Variants in COL5A1 observed in about 807,000 individuals in gnomAD.
COL5A1 encodes collagen alpha-1(V) chain.
Under a neutral mutation model 263.7 loss-of-function variants are expected in COL5A1, and 16 were observed. The ratio of observed to expected loss-of-function variants is 0.06; its 90% CI spans 0.04 to 0.09. The LOEUF is 0.09. Ranked by LOEUF, COL5A1 falls within the 10% of genes least tolerant of loss-of-function variation. The pLI, the probability that COL5A1 is intolerant of heterozygous loss-of-function variation, is 1.00. For missense variants in COL5A1, 2,036 were observed against 2,540.5 expected (o/e 0.80, Z 4.27); for synonymous variants, 1,012 against 1,004.5 (o/e 1.01, Z -0.14).
At chr9:134,773,081 G>A (rs1353601473) in intron 26 of COL5A1, among the ~76,000 whole-genome samples, 4 of 152,224 alleles carry the variant, frequency 2.6e-5, no homozygotes, top group Admixed American at 2.0e-4. Flanking sequence ...GCCCATGACC[G>A]GATCGGGTGC....
rs1564438562 is a variant in COL5A1, at chr9:134,759,710, ACACC to A, written c.1935+1416_1935+1419del. 4.5e-4 allele frequency among the ~76,000 whole-genome samples: 34 copies of A among 76,076 alleles called. 3 individuals are homozygous for A. Among genetic ancestry groups the A allele is most frequent in the African/African-American group, 2.6e-3 (34 of 13,304 alleles). The allele number at this position is 76,076 out of a possible 152,430, so 49.9% of individuals were successfully genotyped here. A position where few individuals can be genotyped will look rare whatever the true frequency, so the allele number is the denominator to read the frequency against. ...CTCATACACATATGCACACATGCAC[ACACC>A]CCCCCACCCCCACACTCATACACAC... On this transcript the variant is annotated intron_variant, in intron 18 of 65. Coordinates refer to ENST00000371817, the MANE Select transcript of COL5A1 (RefSeq NM_000093.5).
At chr9:134,698,665 C>T (rs535925046) in intron 2 of COL5A1, among the ~76,000 whole-genome samples, 136 of 152,342 alleles carry the variant, frequency 8.9e-4, no homozygotes, top group Middle Eastern at 3.4e-3. Flanking sequence ...GAGGTGGTGA[C>T]GCTGCTGCCC....
At chr9:134,651,650 C>G (rs1335853693) in intron 1 of COL5A1, among the ~76,000 whole-genome samples, 1 of 152,210 alleles carries the variant, frequency 6.6e-6, no homozygotes, top group Non-Finnish European at 1.5e-5. Flanking sequence ...TCACTGGGGC[C>G]TGTTGTGGGG....
chr9:134,697,244 G>C (rs984394857), intron 2 of COL5A1, among the ~76,000 whole-genome samples: 4 of 152,262 alleles, frequency 2.6e-5, no homozygotes, highest in African/African-American at 9.6e-5. Flanking sequence ...ACTCGAATGG[G>C]CCATCTCACA....
intron 1 of COL5A1, among the ~76,000 whole-genome samples, chr9:134,669,153 TCTTC>T (rs1832450501): frequency 1.4e-5 from 2 of 143,108 alleles, no homozygotes; most frequent in Admixed American, 7.1e-5. Flanking sequence ...TTCCACCTAC[TCTTC>T]CTTCCTTCCC....
rs1190133913 is a variant in COL5A1, at chr9:134,765,441, T to A, written c.2035-240T>A. On this transcript the variant is annotated intron_variant, in intron 20 of 65. Transcript: ENST00000371817. The surrounding 1 kb of genome is among the most constrained non-coding windows in gnomAD (Gnocchi z 5.1). ...CTTTCCCTGAGGGTGCCCTGTGGTGTCCTCTCTGAGTTCTCACCAATTCCA... is the reference window on the plus strand; with the variant it reads ...CTTTCCCTGAGGGTGCCCTGTGGTGACCTCTCTGAGTTCTCACCAATTCCA... Among the ~76,000 whole-genome samples, 1 of 152,052 alleles carries A rather than the reference T, an allele frequency of 6.6e-6. No homozygotes were observed. The highest frequency in any genetic ancestry group is 1.5e-5 in the Non-Finnish European group (1 of 67,990).
At chr9:134,817,683 CCACACA>C in intron 53 of COL5A1, 89 bp from the exon 54 acceptor site, 1 of 1,063,548 alleles carries the variant, frequency 9.4e-7, no homozygotes. Context: ...CCCCTGCAGG[CCACACA>C]CACACACACC....
At chr9:134,793,847 CG>C (rs1837804044) in intron 32 of COL5A1, among the ~76,000 whole-genome samples, 1 of 152,146 alleles carries the variant, frequency 6.6e-6, no homozygotes, top group African/African-American at 2.4e-5. Context: ...GAACTGGAAC[CG>C]GAGCGCATTG....
intron 4 of COL5A1, among the ~76,000 whole-genome samples, chr9:134,713,741 A>C (rs1308853171): frequency 6.6e-6 from 1 of 152,198 alleles, no homozygotes; most frequent in Non-Finnish European, 1.5e-5. Context: ...ACGCTGTCAC[A>C]GGTGGCGTTA....
chr9:134,659,106 C>T (rs1035095263), intron 1 of COL5A1, among the ~76,000 whole-genome samples: 3 of 152,176 alleles, frequency 2.0e-5, no homozygotes, highest in African/African-American at 7.2e-5. Flanking sequence ...TTAAAATAGC[C>T]TTTGAGGCCG....
Position 134,669,235 on chromosome 9 carries a change from T to TTCCCTTC in COL5A1, c.110-21677_110-21676insTCCCTTC, listed in dbSNP as rs1564376301. On this transcript the variant is annotated intron_variant, in intron 1 of 65. Coordinates refer to ENST00000371817, the MANE Select transcript of COL5A1 (RefSeq NM_000093.5). ...CTTTTCCCTTCCCTTCCCTTCCCTT[T>TTCCCTTC]CCTTCCCTTCCCTTCCCTTCCCTTC... Among the ~76,000 whole-genome samples, 138 of 20,200 alleles carry TTCCCTTC rather than the reference T, an allele frequency of 6.8e-3. 4 individuals carry two copies. The highest frequency in any genetic ancestry group is 0.011 in the South Asian group (3 of 282). The allele number at this position is 20,200 out of a possible 152,430, so 13.3% of individuals were successfully genotyped here.
intron 9 of COL5A1, among the ~76,000 whole-genome samples, chr9:134,738,194 C>G (rs540059632): frequency 2.6e-5 from 4 of 152,314 alleles, no homozygotes; most frequent in African/African-American, 9.6e-5. Context: ...TTCCTCATCT[C>G]GGCGTCTTCA....
intron 59 of COL5A1, 69 bp from the exon 60 acceptor site, chr9:134,822,929 G>C (rs891446047): frequency 6.3e-7 from 1 of 1,580,662 alleles, no homozygotes. Flanking sequence ...AGGCTGGGCA[G>C]GACATGGAGC....
rs10122855 is a variant in COL5A1, at chr9:134,821,182, C to T, written c.4555-915C>T. Among the ~76,000 whole-genome samples, 3,739 of 152,172 alleles carry T rather than the reference C, an allele frequency of 0.025. 157 individuals are homozygous for T. Among genetic ancestry groups the T allele is most frequent in the African/African-American group, 0.086 (3,575 of 41,504 alleles). ...CCAGGGTGTGGTGGCCCGGCAACCA[C>T]GAGAATTAGAGAGGCATCCAGGGTC... is the stretch of plus-strand genomic sequence containing the variant. On this transcript the variant is annotated intron_variant, in intron 58 of 65. Transcript: ENST00000371817. The surrounding 1 kb of genome is among the most constrained non-coding windows in gnomAD (Gnocchi z 4.2).
In COL5A1 at chr9:134,718,437, C is replaced by T. The variant is rs556337472; in HGVS notation, c.655-8829C>T. Among the ~76,000 whole-genome samples the T allele has an allele frequency of 2.5e-4, 38 of 152,362 alleles. No homozygotes were observed. The South Asian group carries it at 2.9e-3, about 12-fold the overall frequency. On this transcript the variant is annotated intron_variant, in intron 4 of 65. Transcript: ENST00000371817. Reference sequence around the variant, plus strand: ...AGGGATGGCATGAAAACAGCTGCCACCTGCTTCTTTGGGCAGCCACAGGGC... The same window carrying T: ...AGGGATGGCATGAAAACAGCTGCCATCTGCTTCTTTGGGCAGCCACAGGGC...
intron 26 of COL5A1, among the ~76,000 whole-genome samples, chr9:134,773,689 G>T (rs1836948232): frequency 6.6e-6 from 1 of 152,158 alleles, no homozygotes; most frequent in African/African-American, 2.4e-5. Flanking sequence ...CTTGCCAAGG[G>T]TGTGGTAGGC....
chr9:134,805,071 G>A lies in COL5A1; in HGVS notation c.3204+7G>A. Reference sequence around the variant, plus strand: ...AGGGCTTCCTGGTCCAGTGGTGAGTGAGAGGCCAGGCGGGGAATGAAATGG... The same window carrying A: ...AGGGCTTCCTGGTCCAGTGGTGAGTAAGAGGCCAGGCGGGGAATGAAATGG... On this transcript the variant is annotated splice_region_variant and intron_variant, in intron 40 of 65. Transcript: ENST00000371817. 6.2e-7 allele frequency: 1 copy of A among 1,613,968 alleles called. No homozygotes were observed. The highest frequency in any genetic ancestry group is 8.5e-7 in the Non-Finnish European group (1 of 1,179,974).
intron 11 of COL5A1, among the ~76,000 whole-genome samples, chr9:134,747,635 AC>A (rs1478333720): frequency 2.0e-5 from 3 of 152,116 alleles, no homozygotes; most frequent in Non-Finnish European, 4.4e-5. Context: ...ATACATGCAC[AC>A]ATGCATTCAT....
rs552525735 is a variant in COL5A1 at position 134,765,943 on chromosome 9, C to T, written c.2088+209C>T. ...AGGTGTGGCCTTGCAGGTGGAGGCC[C>T]GAGGCTGCCGGCCTCACGCCTCCGC... On this transcript the variant is annotated intron_variant, in intron 21 of 65. Transcript: ENST00000371817. This position sits in a 1 kb window ranked among gnomAD's most constrained non-coding sequence, Gnocchi z 5.1. Among the ~76,000 whole-genome samples, 1 of 152,326 alleles carries T rather than the reference C, an allele frequency of 6.6e-6. No homozygotes were observed. Among genetic ancestry groups the T allele is most frequent in the East Asian group, 1.9e-4 (1 of 5,184 alleles).
Sources: gnomAD v4.1 joint callset for allele counts (sites outside exome capture counted in the v4.1 genomes callset) on GRCh38, gnomAD v4.1.1 for gene constraint, Gnocchi (gnomAD v3.1) non-coding constraint, MANE v1.5 for transcripts, NCBI Gene and HGNC (gene_info 2026-07-23, HGNC 2026-07-21) for gene names.